The following CPLANE1 variants were observed in gnomAD, a reference collection of about 807,000 sequenced individuals.
CPLANE1 encodes ciliogenesis and planar polarity effector complex subunit 1.
In CPLANE1, 263 loss-of-function variants were observed where a neutral mutation model predicts 362.5. The observed-to-expected ratio is 0.73, with a 90% confidence interval of 0.66 to 0.80. The LOEUF (loss-of-function observed/expected upper bound fraction) is 0.80, where lower values mean the gene tolerates loss of function less well. Among genes scored for constraint, CPLANE1 ranks in the 30% least tolerant of loss-of-function variants. The pLI is 0.00. For missense variants in CPLANE1, 3,461 were observed against 3,793.4 expected, an observed-to-expected ratio of 0.91 and a Z score of 2.30; for synonymous variants, 1,212 against 1,302.6, an observed-to-expected ratio of 0.93 and a Z score of 1.50.
chr5:37,225,443 T>G (rs1481535169), intron 12 of CPLANE1, among the ~76,000 whole-genome samples: 2 of 151,914 alleles, frequency 1.3e-5, no homozygotes, highest in African/African-American at 2.4e-5. Context: ...TTTCATCGTG[T>G]TGCCCAAGCT....
At chr5:37,176,192 C>T in intron 30 of CPLANE1, 1 of 437,096 alleles carries the variant, frequency 2.3e-6, no homozygotes, top group East Asian at 3.6e-5. Flanking sequence ...GTCTGGATGA[C>T]TTAAAACACC....
At position 37,230,997 on chromosome 5, in the gene CPLANE1, A is replaced by G; in HGVS notation, c.991T>C (p.Cys331Arg). Residue 331 changes from cysteine to arginine, a missense_variant, in exon 9 of 53, where the codon TGT becomes CGT. Cys to Arg is a radical substitution (Grantham distance 180, BLOSUM62 -3). Coordinates refer to ENST00000651892, the MANE Select transcript of CPLANE1 (RefSeq NM_001384732.1). ...ACCAGAGAGCCACGTTTTAACATAC[A>G]AGCCAGAAAAAGACTATCATGCGTC... ...SWTHDSLFLA[C>R]MLKRGSLVLL... 6.4e-7 allele frequency: 1 copy of G among 1,551,088 alleles called. No homozygotes were observed. Among genetic ancestry groups the G allele is most frequent in the Non-Finnish European group, 8.7e-7 (1 of 1,146,642 alleles).
chr5:37,210,674 T>C, intron 16 of CPLANE1: 2 of 1,553,660 alleles, frequency 1.3e-6, no homozygotes, highest in Non-Finnish European at 8.9e-7. Context: ...TGAGTGACTA[T>C]TCACTACTAA....
In CPLANE1 at chr5:37,179,426, C is replaced by A. The variant is rs766234915; in HGVS notation, c.5755G>T (p.Val1919Phe). 6.2e-7 allele frequency: 1 copy of A among 1,612,556 alleles called. No individual in the cohort carries two copies. The highest frequency in any genetic ancestry group is 1.1e-5 in the South Asian group (1 of 90,852). The change falls in exon 29 of 53, where the codon GTT becomes TTT. Residue 1919 changes from valine to phenylalanine, a missense_variant. This residue lies in a region of CPLANE1 where 3,380 missense variants were observed against 3,666.1 expected (regional missense o/e 0.92). Transcript: ENST00000651892. ...AGACTGGGACTTCTGAAACCTCCAA[C>A]AGATTCTTCAATGTCTTCTAGCGAT... ...SDYEEDIEES[V>F]GGFRSPSLAI...
Position 37,175,905 on chromosome 5 carries a change from T to C in CPLANE1, c.5978+4A>G, listed in dbSNP as rs748763785. On this transcript the variant is annotated splice_donor_region_variant and intron_variant, in intron 31 of 52. Coordinates refer to ENST00000651892, the MANE Select transcript of CPLANE1 (RefSeq NM_001384732.1). ...TAAATGGTATAGTAGGCAAAACTTCTTACCTAGAAATTTCTGAACTCGTAT... is the reference window on the plus strand; with the variant it reads ...TAAATGGTATAGTAGGCAAAACTTCCTACCTAGAAATTTCTGAACTCGTAT... The C allele has an allele frequency of 5.8e-5, 93 of 1,607,790 alleles. No individual in the cohort carries two copies. The highest frequency in any genetic ancestry group is 7.7e-5 in the Non-Finnish European group (90 of 1,174,930).
chr5:37,166,761 C>T (rs1483961595), intron 35 of CPLANE1, among the ~76,000 whole-genome samples: 2 of 152,120 alleles, frequency 1.3e-5, no homozygotes, highest in Non-Finnish European at 2.9e-5. Context: ...AATATTTGAG[C>T]AGCAAATGAC....
At position 37,209,409 on chromosome 5, in the gene CPLANE1, C is replaced by T. The variant is rs1274528504; in HGVS notation, c.2921-2984G>A. The T allele has an allele frequency of 1.6e-6, 2 of 1,265,828 alleles. No individual in the cohort carries two copies. Among genetic ancestry groups the T allele is most frequent in the Non-Finnish European group, 2.3e-6 (2 of 865,000 alleles). The allele number at this position is 1,265,828 out of a possible 1,614,324, so 78.4% of individuals were successfully genotyped here. ...GCTCCCCGTGGCTGATGTGTTGAGTCAAAATGAACTGCGCAAAAAGCTATA... is the reference window on the plus strand; with the variant it reads ...GCTCCCCGTGGCTGATGTGTTGAGTTAAAATGAACTGCGCAAAAAGCTATA... On this transcript the variant is annotated intron_variant, in intron 16 of 52. Transcript: ENST00000651892. This position sits in a 1 kb window ranked among gnomAD's most constrained non-coding sequence, Gnocchi z 4.6.
At chr5:37,217,695 G>A (rs866133617) in intron 15 of CPLANE1, among the ~76,000 whole-genome samples, 4 of 151,512 alleles carry the variant, frequency 2.6e-5, no homozygotes, top group Non-Finnish European at 5.9e-5. Flanking sequence ...ACAGAAACCC[G>A]GCTGGGCGAA....
At chr5:37,147,826 G>A (rs1241672981) in intron 43 of CPLANE1, among the ~76,000 whole-genome samples, 2 of 151,970 alleles carry the variant, frequency 1.3e-5, no homozygotes, top group East Asian at 1.9e-4. Context: ...CTCAGCTGAT[G>A]ATCACAGACA....
intron 46 of CPLANE1, among the ~76,000 whole-genome samples, chr5:37,126,118 C>T (rs1764062317): frequency 6.6e-6 from 1 of 152,080 alleles, no homozygotes; most frequent in African/African-American, 2.4e-5. Flanking sequence ...GCCTGAAATC[C>T]CAGCTACTCA....
intron 41 of CPLANE1, among the ~76,000 whole-genome samples, chr5:37,154,981 CCT>C (rs1365401918): frequency 2.0e-5 from 3 of 152,182 alleles, no homozygotes; most frequent in Non-Finnish European, 2.9e-5. Context: ...ACTCGAGGCT[CCT>C]CTCTTTCCTT....
rs771266513 is a variant in CPLANE1, at chr5:37,221,468, G to C, written c.2602C>G (p.Leu868Val). ...AGAGAAAGATAATAGCGTATCTGAA[G>C]AAAATACGTCCTTCTTCCTCCTGAA... ...EEKGGRRTYF[L>V]QIRYYLSLLY... The change falls in exon 15 of 53, where the codon CTT (leucine) becomes GTT (valine). Residue 868 changes from leucine to valine, a missense_variant. By Grantham distance (32) the Leu-to-Val change is conservative. Transcript: ENST00000651892. The C allele has an allele frequency of 6.7e-7, 1 of 1,502,706 alleles. No homozygotes were observed. Among genetic ancestry groups the C allele is most frequent in the African/African-American group, 1.4e-5 (1 of 69,948 alleles). 93.1% of individuals were successfully genotyped at this position (1,502,706 alleles called of 1,614,324 possible). A position where few individuals can be genotyped will look rare whatever the true frequency, so the allele number is the denominator to read the frequency against.
chr5:37,184,960 T>C lies in CPLANE1; in HGVS notation c.4309A>G (p.Ile1437Val), dbSNP rs773668280. ...GSFEVNIWEP[I>V]EEEKPDEAPG... is the part of the protein sequence containing the mutation. ...GCCTCATCTGGTTTCTCTTCTTCAATTGGTTCCCATATATTCACTTCAAAA... is the reference window on the plus strand; with the variant it reads ...GCCTCATCTGGTTTCTCTTCTTCAACTGGTTCCCATATATTCACTTCAAAA... The change falls in exon 25 of 53, where the codon ATT (isoleucine) becomes GTT (valine). Residue 1437 changes from isoleucine (I) to valine (V), a missense_variant. This residue lies in a region of CPLANE1 where 3,380 missense variants were observed against 3,666.1 expected (regional missense o/e 0.92). Transcript: ENST00000651892. The C allele has an allele frequency of 7.2e-5, 117 of 1,614,016 alleles. 2 individuals carry two copies. In the Admixed American group the frequency reaches 1.6e-3, roughly 22 times the overall value.
chr5:37,230,822 A>G, intron 9 of CPLANE1, 45 bp downstream of exon 9: 4 of 1,314,104 alleles, frequency 3.0e-6, no homozygotes, highest in Non-Finnish European at 3.9e-6. Flanking sequence ...AATACAAAAC[A>G]GAAAAAAAAT....
intron 5 of CPLANE1, 125 bp from the exon 6 acceptor site, chr5:37,243,244 T>C: frequency 1.7e-6 from 1 of 597,676 alleles, no homozygotes; most frequent in Non-Finnish European, 2.7e-6. Flanking sequence ...TTATACTTTT[T>C]ATCCTTAACA....
At position 37,205,461 on chromosome 5, in the gene CPLANE1, T is replaced by A; in HGVS notation, c.3150-7A>T. The A allele has an allele frequency of 6.7e-7, 1 of 1,492,438 alleles. No individual in the cohort carries two copies. The highest frequency in any genetic ancestry group is 8.9e-7 in the Non-Finnish European group (1 of 1,119,328). 92.4% of individuals were successfully genotyped at this position (1,492,438 alleles called of 1,614,324 possible). ...CAGACTCTTTTTCTTGGACCTGAAA[T>A]GACATCAAATTAAGGGAAATGAATC... On this transcript the variant is annotated splice_polypyrimidine_tract_variant and splice_region_variant and intron_variant, in intron 17 of 52. Transcript: ENST00000651892.
At chr5:37,241,634 T>G (rs1260668706) in intron 6 of CPLANE1, among the ~76,000 whole-genome samples, 1 of 152,136 alleles carries the variant, frequency 6.6e-6, no homozygotes, top group Non-Finnish European at 1.5e-5. Flanking sequence ...TTTATTTATT[T>G]ATTTATTTTC....
chr5:37,232,487 C>T (rs1797926129), intron 8 of CPLANE1, among the ~76,000 whole-genome samples: 1 of 149,198 alleles, frequency 6.7e-6, no homozygotes, highest in African/African-American at 2.5e-5. Flanking sequence ...ACTTCACTCC[C>T]ACCTGGACGA....
At chr5:37,197,896 C>G (rs369596517) in intron 20 of CPLANE1, among the ~76,000 whole-genome samples, 4 of 152,042 alleles carry the variant, frequency 2.6e-5, no homozygotes, top group Non-Finnish European at 5.9e-5. Context: ...CTCCCTAACC[C>G]CGGCAACCAA....
Sources: allele counts gnomAD v4.1 joint callset (sites outside exome capture counted in the v4.1 genomes callset), GRCh38; gene constraint gnomAD v4.1.1; regional missense constraint gnomAD v4.1.1; non-coding constraint Gnocchi (gnomAD v3.1); transcripts MANE v1.5; gene names NCBI Gene and HGNC (gene_info 2026-07-23, HGNC 2026-07-21).